The following DDX42 variants were observed in gnomAD, a reference collection of about 807,000 sequenced individuals.
DDX42 encodes the protein ATP-dependent RNA helicase DDX42.
DDX42 carries 22 observed loss-of-function variants against 101.5 expected under a neutral mutation model. The ratio of observed to expected loss-of-function variants is 0.22; its 90% CI spans 0.15 to 0.31. The LOEUF (loss-of-function observed/expected upper bound fraction) is 0.31. Among genes scored for constraint, DDX42 ranks in the 10% least tolerant of loss-of-function variants. The pLI is 1.00. For missense variants in DDX42, 849 were observed against 1,199.9 expected (o/e 0.71, Z 4.32); for synonymous variants, 402 against 401.2 (o/e 1.00, Z -0.02).
rs762941587 is a variant in DDX42 at position 63,813,467 on chromosome 17, G to A, written c.1902+13G>A. The A allele has an allele frequency of 2.5e-6, 4 of 1,608,530 alleles. No individual in the cohort carries two copies. Among genetic ancestry groups the A allele is most frequent in the Non-Finnish European group, 3.4e-6 (4 of 1,175,674 alleles). ...TCTGGCAATGCAGGTGAGGGGCTGG[G>A]CACACTTTCAATTGCTCCTGGTTAT... On this transcript the variant is annotated intron_variant, in intron 15 of 17. Transcript: ENST00000389924.
chr17:63,816,184 G>A (rs1215309719), intron 16 of DDX42, among the ~76,000 whole-genome samples: 1 of 152,126 alleles, frequency 6.6e-6, no homozygotes, highest in East Asian at 1.9e-4. Context: ...GTACCCTTTT[G>A]GTGGCCTTTC....
chr17:63,807,572 T>C (rs902211881), intron 8 of DDX42, 152 bp from the exon 9 acceptor site: 1 of 611,632 alleles, frequency 1.6e-6, no homozygotes, highest in Admixed American at 3.5e-5. Context: ...GATATTGATA[T>C]TTCTATTTCA....
intron 9 of DDX42, 27 bp downstream of exon 9, chr17:63,807,927 T>G (rs754680397): frequency 6.3e-7 from 1 of 1,594,252 alleles, no homozygotes; most frequent in African/African-American, 1.3e-5. Flanking sequence ...GAATGCCTCC[T>G]TCCATATGTG....
chr17:63,815,622 TGGA>T lies in DDX42; in HGVS notation c.1968_1970del (p.Gly657del), dbSNP rs573983830. 22 of 1,613,862 alleles carry T rather than the reference TGGA, an allele frequency of 1.4e-5. No individual in the cohort carries two copies. Among genetic ancestry groups the T allele is most frequent in the Non-Finnish European group, 1.8e-5 (21 of 1,179,956 alleles). ...GGAAAGGAAAAAAGCTGAACATTGG[TGGA>T]GGAGGCCTAGGCTACAGGGAGCGGC... is the stretch of plus-strand genomic sequence containing the variant. On this transcript the variant is annotated inframe_deletion, in exon 16 of 18. Coordinates refer to ENST00000389924, the MANE Select transcript of DDX42 (RefSeq NM_203499.3).
chr17:63,776,780 A>G (rs574235164), intron 1 of DDX42, among the ~76,000 whole-genome samples: 3 of 151,542 alleles, frequency 2.0e-5, no homozygotes, highest in African/African-American at 7.3e-5. Flanking sequence ...ACCATTTTTT[A>G]TAGATGAGGA....
intron 5 of DDX42, among the ~76,000 whole-genome samples, chr17:63,799,877 T>G (rs1029128160): frequency 1.3e-5 from 2 of 152,230 alleles, no homozygotes; most frequent in Admixed American, 1.3e-4. Flanking sequence ...TCAGCTTGCT[T>G]CTTTTTAAAT....
chr17:63,804,621 G>A (rs2039815852), intron 6 of DDX42, among the ~76,000 whole-genome samples: 1 of 152,180 alleles, frequency 6.6e-6, no homozygotes, highest in Admixed American at 6.6e-5. Context: ...GCATTATAGA[G>A]AGATTCCTTA....
intron 6 of DDX42, among the ~76,000 whole-genome samples, chr17:63,801,360 A>G (rs1265391481): frequency 1.3e-5 from 2 of 150,606 alleles, no homozygotes; most frequent in African/African-American, 2.4e-5. Context: ...CAGCCTTGAC[A>G]TCTTTCTTTC....
chr17:63,808,839 G>T lies in DDX42; in HGVS notation c.1043G>T (p.Arg348Leu). Residue 348 changes from arginine to leucine, a missense_variant, in exon 10 of 18, where the codon CGG becomes CTG. This residue lies in a region of DDX42 where 370 missense variants were observed against 608.8 expected (regional missense o/e 0.61). Coordinates refer to ENST00000389924, the MANE Select transcript of DDX42 (RefSeq NM_203499.3). Reference protein sequence around the residue: ...LCQQIHAECKRFGKAYNLRSV... With the variant: ...LCQQIHAECKLFGKAYNLRSV... ...TTGTAGATCCATGCAGAATGTAAGC[G>T]GTTTGGAAAAGCATATAATCTTCGA... is the stretch of plus-strand genomic sequence containing the variant. The T allele has an allele frequency of 6.2e-7, 1 of 1,613,916 alleles. No individual in the cohort carries two copies. Among genetic ancestry groups the T allele is most frequent in the Non-Finnish European group, 8.5e-7 (1 of 1,179,900 alleles).
intron 6 of DDX42, among the ~76,000 whole-genome samples, chr17:63,801,569 G>T (rs978131323): frequency 2.7e-5 from 4 of 149,610 alleles, no homozygotes; most frequent in Non-Finnish European, 4.5e-5. Flanking sequence ...TTGCTCTATT[G>T]CCCAGGCTGG....
chr17:63,788,955 T>G (rs1025702659), intron 2 of DDX42, among the ~76,000 whole-genome samples: 3 of 151,946 alleles, frequency 2.0e-5, no homozygotes, highest in South Asian at 2.1e-4. Flanking sequence ...AGTGGAGTGG[T>G]GCGATCAAGG....
At chr17:63,817,571 A>AC in intron 17 of DDX42, 123 bp from the exon 18 acceptor site, 1 of 906,650 alleles carries the variant, frequency 1.1e-6, no homozygotes, top group East Asian at 2.6e-5. Flanking sequence ...GGCCATCAGG[A>AC]CACTAAACTC....
chr17:63,807,594 C>T (rs1438132808), intron 8 of DDX42, 130 bp from the exon 9 acceptor site: 2 of 751,858 alleles, frequency 2.7e-6, no homozygotes, highest in South Asian at 1.8e-5. Flanking sequence ...AACCAGTATG[C>T]ATAGCACCAG....
chr17:63,806,388 C>A, intron 7 of DDX42, 147 bp from the exon 8 acceptor site: 2 of 773,522 alleles, frequency 2.6e-6, no homozygotes, highest in Non-Finnish European at 3.7e-6. Flanking sequence ...TGAGGTTTTT[C>A]CTTTTCATTG....
At chr17:63,799,021 A>G (rs1220651921) in intron 4 of DDX42, among the ~76,000 whole-genome samples, 2 of 152,216 alleles carry the variant, frequency 1.3e-5, no homozygotes, top group African/African-American at 4.8e-5. Context: ...CCTGAGACAT[A>G]CAGCAAGTGG....
chr17:63,812,192 G>A lies in DDX42; in HGVS notation c.1659G>A (p.Val553=). The stretch of plus-strand genomic sequence containing the variant: ...AGAAAAAGGACATCCCAGTCCTGGT[G>A]GCCACAGATGTTGCAGGTAGAGTAT... ...DFKKKDIPVL[V]ATDVAARGLD... is the part of the protein sequence containing the mutation. Residue 553 remains valine, a synonymous_variant, in exon 14 of 18, where the codon GTG becomes GTA. Coordinates refer to ENST00000389924, the MANE Select transcript of DDX42 (RefSeq NM_203499.3). 1 of 1,612,612 alleles carries A rather than the reference G, an allele frequency of 6.2e-7. No individual in the cohort carries two copies. Among genetic ancestry groups the A allele is most frequent in the Non-Finnish European group, 8.5e-7 (1 of 1,179,036 alleles).
Position 63,806,517 on chromosome 17 carries a change from A to G in DDX42, c.727-18A>G. On this transcript the variant is annotated intron_variant, in intron 7 of 17. Coordinates refer to ENST00000389924, the MANE Select transcript of DDX42 (RefSeq NM_203499.3). Reference sequence around the variant, plus strand: ...TGTTGAAGTACAAGTCATTCTGGGGAGTTGTCTCTATCTCTAGGTCTCTGG... The same window carrying G: ...TGTTGAAGTACAAGTCATTCTGGGGGGTTGTCTCTATCTCTAGGTCTCTGG... The G allele has an allele frequency of 6.2e-7, 1 of 1,605,040 alleles. No homozygotes were observed. The highest frequency in any genetic ancestry group is 8.5e-7 in the Non-Finnish European group (1 of 1,176,030).
Position 63,817,803 on chromosome 17 carries a change from C to T in DDX42, c.2222C>T (p.Pro741Leu), listed in dbSNP as rs1338498572. ...AGTGCAGGGAGCTTGAATTCTGTTC[C>T]AACTAACTCAGCACAACAGGGCCAT... ...WTSAGSLNSVPTNSAQQGHNS... is the reference protein window; with the variant it reads ...WTSAGSLNSVLTNSAQQGHNS... The change falls in exon 18 of 18, where the codon CCA becomes CTA. Residue 741 changes from proline to leucine, a missense_variant. By Grantham distance (98) the Pro-to-Leu change is moderately conservative. Around this residue, in one of 5 missense-constraint regions of DDX42, gnomAD observed 300 missense variants for 304.9 expected, o/e 0.98. Coordinates refer to ENST00000389924, the MANE Select transcript of DDX42 (RefSeq NM_203499.3). 1 of 1,614,136 alleles carries T rather than the reference C, an allele frequency of 6.2e-7. No individual in the cohort carries two copies. Among genetic ancestry groups the T allele is most frequent in the Non-Finnish European group, 8.5e-7 (1 of 1,180,030 alleles).
intron 6 of DDX42, among the ~76,000 whole-genome samples, chr17:63,802,245 C>T (rs902961147): frequency 2.6e-5 from 4 of 152,156 alleles, no homozygotes; most frequent in African/African-American, 4.8e-5. Flanking sequence ...TTATTAAAGT[C>T]GTGACCCTTG....
Sources: allele counts gnomAD v4.1 joint callset (sites outside exome capture counted in the v4.1 genomes callset), GRCh38; gene constraint gnomAD v4.1.1; regional missense constraint gnomAD v4.1.1; transcripts MANE v1.5; gene names NCBI Gene and HGNC (gene_info 2026-07-23, HGNC 2026-07-21).